Variants in FOCAD observed in about 807,000 individuals in gnomAD.
FOCAD encodes focadhesin.
FOCAD carries 198 observed loss-of-function variants against 225.6 expected under a neutral mutation model. That is an observed-to-expected ratio of 0.88 (90% confidence interval 0.78 to 0.99). FOCAD has a LOEUF of 0.99. FOCAD is among the 50% of genes least tolerant of loss of function. FOCAD has a pLI of 0.00. For missense variants in FOCAD, 2,713 were observed against 2,123.6 expected (o/e 1.28, Z -5.46); for synonymous variants, 897 against 755.0 (o/e 1.19, Z -3.08).
Position 20,995,830 on chromosome 9 carries a change from A to G in FOCAD, c.*201A>G, listed in dbSNP as rs1842017794. 8.6e-6 allele frequency: 3 copies of G among 350,848 alleles called. No homozygotes were observed. The highest frequency in any genetic ancestry group is 1.6e-5 in the Non-Finnish European group (3 of 192,624). 21.7% of individuals were successfully genotyped at this position (350,848 alleles called of 1,614,324 possible). A position where few individuals can be genotyped will look rare whatever the true frequency, so the allele number is the denominator to read the frequency against. ...ATTGCTTTAGTACCCGGGCCAGTTG[A>G]GACTGAAACAGGAACTTGGATTTTC... On this transcript the variant is annotated 3_prime_UTR_variant, in exon 44 of 44. Transcript: ENST00000338382.
intron 15 of FOCAD, among the ~76,000 whole-genome samples, chr9:20,857,186 A>G (rs1480323586): frequency 6.6e-6 from 1 of 152,014 alleles, no homozygotes; most frequent in Non-Finnish European, 1.5e-5. Context: ...AGTAATGTGG[A>G]CATTTTAACA....
intron 15 of FOCAD, among the ~76,000 whole-genome samples, chr9:20,859,764 A>G (rs1395719337): frequency 6.7e-6 from 1 of 149,644 alleles, no homozygotes; most frequent in Non-Finnish European, 1.5e-5. Flanking sequence ...TACAACATCG[A>G]TGAACCTTGG....
Position 20,770,103 on chromosome 9 carries a change from T to C in FOCAD, c.771T>C (p.His257=), listed in dbSNP as rs750911901. ...IEEVCLSLLR[H]PVFWKIQLTQ... The stretch of plus-strand genomic sequence containing the variant: ...AAGTATGTTTAAGCCTTTTGCGTCA[T>C]CCTGTTTTCTGGAAAATTCAGCTTA... The change falls in exon 8 of 44, where the codon CAT becomes CAC. Residue 257 remains histidine, a synonymous_variant. Transcript: ENST00000338382. The C allele has an allele frequency of 1.9e-6, 3 of 1,614,126 alleles. No individual in the cohort carries two copies. The highest frequency in any genetic ancestry group is 2.5e-6 in the Non-Finnish European group (3 of 1,179,996).
chr9:20,994,378 T>TG (rs1277029863), intron 43 of FOCAD, among the ~76,000 whole-genome samples: 1 of 152,210 alleles, frequency 6.6e-6, no homozygotes, highest in African/African-American at 2.4e-5. Flanking sequence ...TCTGGTGATC[T>TG]GGGGGTCTGG....
intron 40 of FOCAD, among the ~76,000 whole-genome samples, chr9:20,987,681 T>A (rs937476178): frequency 6.6e-6 from 1 of 152,188 alleles, no homozygotes; most frequent in Non-Finnish European, 1.5e-5. Flanking sequence ...GTGTTTCAAA[T>A]GAAGCATGAA....
At chr9:20,874,629 G>C in intron 18 of FOCAD, 52 bp from the exon 19 acceptor site, 2 of 1,569,236 alleles carry the variant, frequency 1.3e-6, no homozygotes, top group East Asian at 4.6e-5. Context: ...AAAAGATTTT[G>C]CATAATGTTT....
intron 11 of FOCAD, among the ~76,000 whole-genome samples, chr9:20,809,853 A>C (rs1377335713): frequency 6.6e-6 from 1 of 152,072 alleles, no homozygotes; most frequent in East Asian, 1.9e-4. Context: ...AACTCATAAG[A>C]GAGTTTTCTG....
chr9:20,891,025 CTG>C (rs1282671255), intron 21 of FOCAD, among the ~76,000 whole-genome samples: 2 of 152,082 alleles, frequency 1.3e-5, no homozygotes, highest in African/African-American at 4.8e-5. Flanking sequence ...CTTCATGTCT[CTG>C]TGTCACATTT....
intron 7 of FOCAD, among the ~76,000 whole-genome samples, chr9:20,766,601 A>G (rs909140101): frequency 2.6e-5 from 4 of 151,738 alleles, no homozygotes; most frequent in Admixed American, 1.3e-4. Context: ...TCTGTATCCT[A>G]TCTTATTTTT....
chr9:20,954,552 G>C (rs190977913), intron 35 of FOCAD, among the ~76,000 whole-genome samples: 1 of 152,226 alleles, frequency 6.6e-6, no homozygotes, highest in Admixed American at 6.5e-5. Flanking sequence ...AATTTTCTCT[G>C]AATCTTATTC....
chr9:20,957,126 C>T lies in FOCAD; in HGVS notation c.4132+4061C>T, dbSNP rs188033364. Among the ~76,000 whole-genome samples the T allele has an allele frequency of 2.6e-3, 392 of 152,260 alleles. 1 individual carries two copies. Among genetic ancestry groups the T allele is most frequent in the African/African-American group, 9.2e-3 (383 of 41,538 alleles). On this transcript the variant is annotated intron_variant, in intron 35 of 43. Transcript: ENST00000338382. ...TCACCCAGGGTGAAGTGCGGTGGCA[C>T]GATCATGGCTTACTGCAACTTCAAA...
Position 20,944,788 on chromosome 9 carries a change from G to T in FOCAD, c.3555+14G>T. 6.2e-7 allele frequency: 1 copy of T among 1,600,164 alleles called. No homozygotes were observed. The highest frequency in any genetic ancestry group is 2.3e-5 in the East Asian group (1 of 44,416). ...ACGTTTCAGGAGGTAAGAGATGGAG[G>T]CTACATTTTTTTCCCCTCTGCTCTC... is the stretch of plus-strand genomic sequence containing the variant. On this transcript the variant is annotated intron_variant, in intron 29 of 43. Coordinates refer to ENST00000338382, the MANE Select transcript of FOCAD (RefSeq NM_001375567.1).
chr9:20,909,560 G>C (rs1485918431), intron 22 of FOCAD, among the ~76,000 whole-genome samples: 1 of 151,928 alleles, frequency 6.6e-6, no homozygotes, highest in African/African-American at 2.4e-5. Flanking sequence ...GGTGATGGTT[G>C]GTATCTTTAT....
intron 34 of FOCAD, among the ~76,000 whole-genome samples, chr9:20,952,224 C>T (rs961081628): frequency 6.6e-6 from 1 of 152,004 alleles, no homozygotes; most frequent in African/African-American, 2.4e-5. Context: ...CTTGGTCTGG[C>T]CTACATATAC....
chr9:20,798,999 C>G (rs920785350), intron 11 of FOCAD, among the ~76,000 whole-genome samples: 1 of 152,154 alleles, frequency 6.6e-6, no homozygotes, highest in Non-Finnish European at 1.5e-5. Context: ...CTATAAATTT[C>G]CCTGTACACA....
At chr9:20,900,872 T>C (rs1295981881) in intron 21 of FOCAD, among the ~76,000 whole-genome samples, 1 of 151,698 alleles carries the variant, frequency 6.6e-6, no homozygotes. Flanking sequence ...GTTACCCTGA[T>C]TGGAAACAGT....
At chr9:20,707,180 A>G (rs1824459348) in intron 1 of FOCAD, among the ~76,000 whole-genome samples, 1 of 152,156 alleles carries the variant, frequency 6.6e-6, no homozygotes, top group Admixed American at 6.6e-5. Flanking sequence ...CTCTGATTAT[A>G]ATATTGACCA....
rs770317426 is a variant in FOCAD, at chr9:20,926,325, A to G, written c.2986A>G (p.Lys996Glu). ...LEVQPNFLSM[K>E]EWVSMVLDTL... is the part of the protein sequence containing the mutation. ...GGTTCAACCTAATTTCCTTTCAATG[A>G]AAGAGTGGGTTTCCATGGTACTTGA... The change falls in exon 26 of 44, where the codon AAA becomes GAA. Residue 996 changes from lysine (K) to glutamate (E), a missense_variant. By Grantham distance (56) the Lys-to-Glu change is moderately conservative (BLOSUM62 1). Transcript: ENST00000338382. 4.3e-6 allele frequency: 7 copies of G among 1,612,030 alleles called. No homozygotes were observed. Among genetic ancestry groups the G allele is most frequent in the Non-Finnish European group, 5.9e-6 (7 of 1,178,264 alleles).
At chr9:20,979,995 TC>T (rs1375776021) in intron 37 of FOCAD, among the ~76,000 whole-genome samples, 1 of 152,170 alleles carries the variant, frequency 6.6e-6, no homozygotes, top group Non-Finnish European at 1.5e-5. Flanking sequence ...AATATTTCCA[TC>T]ACCTGACAAG....
Sources: allele counts gnomAD v4.1 joint callset (sites outside exome capture counted in the v4.1 genomes callset), GRCh38; gene constraint gnomAD v4.1.1; transcripts MANE v1.5; gene names NCBI Gene and HGNC (gene_info 2026-07-23, HGNC 2026-07-21).